Variants in ATP2C2 observed in about 807,000 individuals in gnomAD.
ATP2C2 encodes the protein ATPase secretory pathway Ca2+ transporting 2.
ATP2C2 carries 171 observed loss-of-function variants against 110.8 expected under a neutral mutation model. The ratio of observed to expected loss-of-function variants is 1.54; its 90% CI spans 1.36 to 1.75. The LOEUF is 1.75. Ranked by LOEUF, ATP2C2 falls within the 40% of genes most tolerant of loss-of-function variation. The probability of loss-of-function intolerance (pLI) is 0.00; values close to 1 mark genes in which losing one functional copy is unlikely to be tolerated. For missense variants in ATP2C2, 1,963 were observed against 1,235.0 expected (o/e 1.59, Z -8.84); for synonymous variants, 804 against 508.4 (o/e 1.58, Z -7.82).
intron 1 of ATP2C2, among the ~76,000 whole-genome samples, chr16:84,395,385 A>G (rs962163636): frequency 6.6e-6 from 1 of 151,852 alleles, no homozygotes; most frequent in Non-Finnish European, 1.5e-5. Flanking sequence ...GGGCCTTCAG[A>G]TGTCCAGAGC....
At chr16:84,435,446 T>G (rs1000828670) in intron 11 of ATP2C2, among the ~76,000 whole-genome samples, 1 of 152,206 alleles carries the variant, frequency 6.6e-6, no homozygotes, top group Non-Finnish European at 1.5e-5. Context: ...AGCGCAGGCC[T>G]AAGCATTGTT....
At position 84,425,771 on chromosome 16, in the gene ATP2C2, A is replaced by G. The variant is rs760552808; in HGVS notation, c.956A>G (p.Gln319Arg). The G allele has an allele frequency of 7.4e-6, 12 of 1,613,988 alleles. No homozygotes were observed. The East Asian group carries it at 2.2e-4, about 30-fold the overall frequency. Reference sequence around the variant, plus strand: ...CTCATTGGCTGGTCGCAAGGGAAACAACTCCTGAGTATGTTCACGATCGGG... The same window carrying G: ...CTCATTGGCTGGTCGCAAGGGAAACGACTCCTGAGTATGTTCACGATCGGG... The part of the protein sequence containing the change: ...IMLIGWSQGK[Q>R]LLSMFTIGVS... Residue 319 changes from glutamine (Q) to arginine (R), a missense_variant, in exon 11 of 27, where the codon CAA (glutamine) becomes CGA (arginine). Physicochemically the swap from Gln to Arg is conservative, Grantham distance 43. Transcript: ENST00000262429.
At chr16:84,425,082 A>G (rs1013335989) in intron 10 of ATP2C2, among the ~76,000 whole-genome samples, 2 of 152,106 alleles carry the variant, frequency 1.3e-5, no homozygotes, top group Non-Finnish European at 2.9e-5. Flanking sequence ...GCCCCCCTCA[A>G]TACATACACA....
rs201380309 is a variant in ATP2C2, at chr16:84,452,102, C to G, written c.1831+11C>G. On this transcript the variant is annotated intron_variant, in intron 18 of 26. Transcript: ENST00000262429. ...CGGCCTTGGCCATAGGTAACTGGGA[C>G]AGGGTCGGGGGTGAGGACGAAAGGA... The G allele has an allele frequency of 3.6e-5, 58 of 1,613,934 alleles. No individual in the cohort carries two copies. The African/African-American group carries it at 5.9e-4, about 16-fold the overall frequency.
Position 84,459,189 on chromosome 16 carries a change from G to C in ATP2C2, c.2216+1G>C, listed in dbSNP as rs770770817. On this transcript the variant is annotated splice_donor_variant, in intron 22 of 26. Coordinates refer to ENST00000262429, the MANE Select transcript of ATP2C2 (RefSeq NM_014861.4). LOFTEE classifies it high-confidence loss of function. ...ACTTTGTCCGATTCCAGCTGAGCAC[G>C]TAAGTAGAGGCCAGCATTCCGAGTG... The C allele has an allele frequency of 6.2e-7, 1 of 1,614,230 alleles. No homozygotes were observed. The highest frequency in any genetic ancestry group is 1.1e-5 in the South Asian group (1 of 91,086).
chr16:84,402,172 G>A (rs1480705495), intron 2 of ATP2C2, among the ~76,000 whole-genome samples: 1 of 152,138 alleles, frequency 6.6e-6, no homozygotes, highest in African/African-American at 2.4e-5. Flanking sequence ...ATTTGAGTTT[G>A]TATCCTCTAA....
intron 26 of ATP2C2, 54 bp downstream of exon 26, chr16:84,462,183 GGCAGCTGCCAGGTGGGGAGCT>G (rs1911443943): frequency 1.2e-5 from 19 of 1,576,720 alleles, no homozygotes; most frequent in Admixed American, 1.8e-5. Context: ...CATGGGGGGC[GGCAGCTGCCAGGTGGGGAGCT>G]GCAGCCCAGG....
rs1911636248 is a variant in ATP2C2, at chr16:84,463,728, T to G, written c.2837T>G (p.Val946Gly). 2 of 1,610,034 alleles carry G rather than the reference T, an allele frequency of 1.2e-6. No individual in the cohort carries two copies. Among genetic ancestry groups the G allele is most frequent in the African/African-American group, 1.3e-5 (1 of 74,212 alleles). The stretch of plus-strand genomic sequence containing the variant: ...AGAGTCCAGATGCACCCTGAAGATG[T>G]GTAGTGGACCGCACTCCGCGGCACC... ...PKRVQMHPED[V>G] Residue 946 changes from valine (V) to glycine (G), a missense_variant, in exon 27 of 27, where the codon GTG becomes GGG. Transcript: ENST00000262429.
intron 11 of ATP2C2, among the ~76,000 whole-genome samples, chr16:84,431,427 C>T (rs2150556105): frequency 6.6e-6 from 1 of 152,094 alleles, no homozygotes; most frequent in African/African-American, 2.4e-5. Context: ...ACTTGGGAGG[C>T]AGAGGTTGCA....
chr16:84,443,504 C>A lies in ATP2C2; in HGVS notation c.1401+905C>A, dbSNP rs914296808. On this transcript the variant is annotated intron_variant, in intron 15 of 26. Transcript: ENST00000262429. ...ATCCCCCAGCACGGACCCCTCGCTG[C>A]CGCCGAGCCTGGCCCCTGCACTCAC... Among the ~76,000 whole-genome samples, 3 of 152,254 alleles carry A rather than the reference C, an allele frequency of 2.0e-5. No individual in the cohort carries two copies. In the East Asian group the frequency reaches 5.8e-4, roughly 29 times the overall value.
intron 10 of ATP2C2, among the ~76,000 whole-genome samples, chr16:84,424,599 T>TTTTTTTTTA (rs376880864): frequency 7.6e-6 from 1 of 131,236 alleles, no homozygotes; most frequent in African/African-American, 2.9e-5. Context: ...TTTTTTTTTT[T>TTTTTTTTTA]AACATTTTGG....
intron 26 of ATP2C2, chr16:84,462,626 A>AG (rs567708599): frequency 1.3e-5 from 2 of 154,396 alleles, no homozygotes; most frequent in Admixed American, 1.3e-4. Flanking sequence ...TGTGGAGCCC[A>AG]GGGGACTCCC....
At chr16:84,383,576 G>A (rs548418377) in intron 1 of ATP2C2, among the ~76,000 whole-genome samples, 1 of 152,264 alleles carries the variant, frequency 6.6e-6, no homozygotes, top group Admixed American at 6.5e-5. Flanking sequence ...GGACAGAAAA[G>A]TTGTAAGAAG....
chr16:84,448,549 A>G lies in ATP2C2; in HGVS notation c.1520A>G (p.Tyr507Cys), dbSNP rs1441637353. 2.5e-6 allele frequency: 4 copies of G among 1,612,064 alleles called. No homozygotes were observed. Among genetic ancestry groups the G allele is most frequent in the Non-Finnish European group, 2.5e-6 (3 of 1,178,876 alleles). ...SLKTEDQEDI[Y>C]FMKGALEEVI... ...TTTTCTAAGGATCAGGAAGACATTT[A>G]CTTCATGAAAGGGGCCTTGGAAGAG... The change falls in exon 17 of 27, where the codon TAC (tyrosine) becomes TGC (cysteine). Residue 507 changes from tyrosine (Y) to cysteine (C), a missense_variant. By Grantham distance (194) the Tyr-to-Cys change is radical. Transcript: ENST00000262429.
intron 20 of ATP2C2, among the ~76,000 whole-genome samples, chr16:84,453,694 C>T (rs1910531059): frequency 2.0e-5 from 3 of 152,178 alleles, no homozygotes. Context: ...TCATCTGTAG[C>T]TGGGCGGACA....
intron 2 of ATP2C2, 122 bp from the exon 3 acceptor site, chr16:84,405,006 G>A: frequency 3.5e-6 from 3 of 850,344 alleles, no homozygotes; most frequent in Non-Finnish European, 6.1e-6. Context: ...GCACCTTGGT[G>A]GACAAGCCTG....
intron 11 of ATP2C2, among the ~76,000 whole-genome samples, chr16:84,428,479 T>C (rs1292179209): frequency 6.6e-6 from 1 of 152,256 alleles, no homozygotes; most frequent in Non-Finnish European, 1.5e-5. Context: ...TGTGTCTGGC[T>C]TTGGATACTT....
chr16:84,403,628 A>C (rs1177762165), intron 2 of ATP2C2, among the ~76,000 whole-genome samples: 1 of 151,996 alleles, frequency 6.6e-6, no homozygotes, highest in Non-Finnish European at 1.5e-5. Context: ...TGAAGTGTAC[A>C]TTGTAGTTGC....
At chr16:84,412,287 C>A (rs537994454) in intron 6 of ATP2C2, among the ~76,000 whole-genome samples, 1 of 67,892 alleles carries the variant, frequency 1.5e-5, no homozygotes, top group Non-Finnish European at 3.6e-5. Flanking sequence ...CGTGTGTGCA[C>A]GTATGTGTGT....
Sources: allele counts gnomAD v4.1 joint callset (sites outside exome capture counted in the v4.1 genomes callset), GRCh38; gene constraint gnomAD v4.1.1; transcripts MANE v1.5; gene names NCBI Gene and HGNC (gene_info 2026-07-23, HGNC 2026-07-21).